Variants in SLC4A10 observed in about 807,000 individuals in gnomAD.
SLC4A10 encodes the protein sodium-driven chloride bicarbonate exchanger.
A neutral mutation model predicts 137.7 loss-of-function variants in SLC4A10; 42 were observed. That is an observed-to-expected ratio of 0.30 (90% CI 0.24 to 0.39). SLC4A10 has a LOEUF of 0.39. SLC4A10 is among the 10% of genes least tolerant of loss of function. SLC4A10 has a pLI of 1.00. For missense variants in SLC4A10, 925 were observed against 1,355.0 expected (o/e 0.68, Z 4.98); for synonymous variants, 474 against 464.1 (o/e 1.02, Z -0.27).
intron 1 of SLC4A10, among the ~76,000 whole-genome samples, chr2:161,668,860 G>C (rs1346266091): frequency 6.6e-6 from 1 of 151,834 alleles, no homozygotes; most frequent in Non-Finnish European, 1.5e-5. Context: ...TGTGCAGAGA[G>C]CTAAGGCTGC....
intron 2 of SLC4A10, among the ~76,000 whole-genome samples, chr2:161,774,245 G>A (rs1244797205): frequency 6.6e-6 from 1 of 151,528 alleles, no homozygotes; most frequent in Non-Finnish European, 1.5e-5. Context: ...TTATAAAATG[G>A]GAAATACATT....
intron 3 of SLC4A10, among the ~76,000 whole-genome samples, chr2:161,825,174 G>A (rs981445866): frequency 6.6e-6 from 1 of 152,086 alleles, no homozygotes; most frequent in African/African-American, 2.4e-5. Context: ...AAGTTTTGAG[G>A]GAGTCAAAAG....
At chr2:161,853,893 C>T (rs755554947) in intron 4 of SLC4A10, among the ~76,000 whole-genome samples, 1 of 152,140 alleles carries the variant, frequency 6.6e-6, no homozygotes, top group Non-Finnish European at 1.5e-5. Context: ...CTACTCTGCA[C>T]ATTAATCATT....
chr2:161,885,897 G>A (rs1462348013), intron 10 of SLC4A10, among the ~76,000 whole-genome samples: 1 of 152,146 alleles, frequency 6.6e-6, no homozygotes, highest in African/African-American at 2.4e-5. Flanking sequence ...GATGTCACAA[G>A]TTTGAGACCA....
chr2:161,801,726 T>C (rs1476604086), intron 2 of SLC4A10, among the ~76,000 whole-genome samples: 1 of 152,152 alleles, frequency 6.6e-6, no homozygotes, highest in Non-Finnish European at 1.5e-5. Flanking sequence ...GTTCATTAGC[T>C]GTGGGACTTA....
chr2:161,860,787 T>C (rs1323654646), intron 5 of SLC4A10, among the ~76,000 whole-genome samples: 1 of 152,244 alleles, frequency 6.6e-6, no homozygotes, highest in Non-Finnish European at 1.5e-5. Flanking sequence ...ATATTCTTTC[T>C]ACCTCTTTCC....
intron 1 of SLC4A10, among the ~76,000 whole-genome samples, chr2:161,725,807 C>G (rs1374933880): frequency 1.3e-5 from 2 of 152,198 alleles, no homozygotes; most frequent in Non-Finnish European, 2.9e-5. Context: ...CTGGAATACC[C>G]TATTCACCCT....
intron 1 of SLC4A10, among the ~76,000 whole-genome samples, chr2:161,628,601 T>G (rs898483048): frequency 1.3e-5 from 2 of 152,058 alleles, no homozygotes; most frequent in South Asian, 4.1e-4. Flanking sequence ...TTGTTTTTTC[T>G]ATTCAATTTG....
At chr2:161,740,644 G>A (rs1042485997) in intron 1 of SLC4A10, among the ~76,000 whole-genome samples, 3 of 152,068 alleles carry the variant, frequency 2.0e-5, no homozygotes, top group Admixed American at 6.6e-5. Context: ...CTCCACATAG[G>A]CCTATGGCAC....
chr2:161,862,834 G>T, intron 5 of SLC4A10, 40 bp from the exon 6 acceptor site: 1 of 1,477,358 alleles, frequency 6.8e-7, no homozygotes, highest in Non-Finnish European at 9.1e-7. Flanking sequence ...ACGTTCTAGA[G>T]GAAAGCTGTG....
intron 1 of SLC4A10, among the ~76,000 whole-genome samples, chr2:161,706,872 A>C (rs555603673): frequency 6.6e-6 from 1 of 151,680 alleles, no homozygotes; most frequent in East Asian, 1.9e-4. Flanking sequence ...TACGGCTTTC[A>C]TGTCAACTTT....
chr2:161,671,941 A>G (rs1191292690), intron 1 of SLC4A10, among the ~76,000 whole-genome samples: 1 of 152,180 alleles, frequency 6.6e-6, no homozygotes, highest in Non-Finnish European at 1.5e-5. Context: ...TGGTGATGAG[A>G]GGAAAGAACT....
At chr2:161,740,414 A>G (rs1457254314) in intron 1 of SLC4A10, among the ~76,000 whole-genome samples, 1 of 152,200 alleles carries the variant, frequency 6.6e-6, no homozygotes, top group Non-Finnish European at 1.5e-5. Flanking sequence ...TCTTCTGGGC[A>G]CTGTCATTCC....
At chr2:161,680,320 A>C (rs1477233178) in intron 1 of SLC4A10, among the ~76,000 whole-genome samples, 1 of 152,188 alleles carries the variant, frequency 6.6e-6, no homozygotes, top group Non-Finnish European at 1.5e-5. Flanking sequence ...CTGCCAGTAT[A>C]TGTATAGGAT....
At chr2:161,955,917 T>C (rs1286388201) in intron 19 of SLC4A10, among the ~76,000 whole-genome samples, 3 of 152,226 alleles carry the variant, frequency 2.0e-5, no homozygotes, top group Admixed American at 2.0e-4. Context: ...GATTCTGAAA[T>C]GTTTGATGCG....
intron 1 of SLC4A10, among the ~76,000 whole-genome samples, chr2:161,768,062 A>G (rs1201357818): frequency 2.0e-5 from 3 of 152,046 alleles, no homozygotes. Context: ...AGTCTCTTCT[A>G]TATTGACACC....
chr2:161,964,074 C>A (rs1158081946), intron 21 of SLC4A10, 61 bp from the exon 22 acceptor site: 3 of 1,435,888 alleles, frequency 2.1e-6, no homozygotes, highest in Non-Finnish European at 2.8e-6. Context: ...TAAACATCAA[C>A]TTGTCCTACT....
At chr2:161,707,286 A>AT (rs2043778473) in intron 1 of SLC4A10, among the ~76,000 whole-genome samples, 1 of 151,420 alleles carries the variant, frequency 6.6e-6, no homozygotes, top group African/African-American at 2.4e-5. Flanking sequence ...CTTAAGACTC[A>AT]TTGTGACTAG....
intron 1 of SLC4A10, among the ~76,000 whole-genome samples, chr2:161,703,815 G>A (rs1352962517): frequency 6.6e-6 from 1 of 151,600 alleles, no homozygotes; most frequent in Non-Finnish European, 1.5e-5. Context: ...TGTTTTATTT[G>A]AGGCACAAAC....
Sources: gnomAD v4.1 joint callset for allele counts (sites outside exome capture counted in the v4.1 genomes callset) on GRCh38, gnomAD v4.1.1 for gene constraint, MANE v1.5 for transcripts, NCBI Gene and HGNC (gene_info 2026-07-23, HGNC 2026-07-21) for gene names.